NREP: variants seen among roughly 807,000 people sequenced by gnomAD.
NREP encodes neuronal regeneration-related protein.
A neutral mutation model predicts 8.6 loss-of-function variants in NREP; 5 were observed. The observed-to-expected ratio is 0.58, with a 90% CI of 0.30 to 1.22. NREP has a LOEUF of 1.22. NREP is among the 50% of genes most tolerant of loss of function. The pLI, the probability that NREP is intolerant of heterozygous loss-of-function variation, is 0.07. For synonymous variants in NREP, 27 were observed against 28.0 expected, an observed-to-expected ratio of 0.96 and a Z score of 0.11; for missense variants, 86 against 82.5, an observed-to-expected ratio of 1.04 and a Z score of -0.17.
Position 111,735,513 on chromosome 5 carries a change from G to C in NREP, c.4-6C>G, listed in dbSNP as rs773894240. 1.1e-5 allele frequency: 17 copies of C among 1,605,640 alleles called. No homozygotes were observed. The highest frequency in any genetic ancestry group is 1.4e-5 in the Non-Finnish European group (17 of 1,173,240). On this transcript the variant is annotated splice_region_variant and splice_polypyrimidine_tract_variant and intron_variant, in intron 2 of 3. Coordinates refer to ENST00000257435, the MANE Select transcript of NREP (RefSeq NM_004772.4). ...AAGAGTTCTGGGTAATAAACCTATAGAGACACAAAAGCATACACATTCAGA... is the reference window on the plus strand; with the variant it reads ...AAGAGTTCTGGGTAATAAACCTATACAGACACAAAAGCATACACATTCAGA...
chr5:111,775,148 C>T (rs547468544), intron 2 of NREP, among the ~76,000 whole-genome samples: 81 of 152,042 alleles, frequency 5.3e-4, no homozygotes, highest in African/African-American at 1.8e-3. Flanking sequence ...GCCTTAGCCC[C>T]GAAAGTAGCT....
chr5:111,811,236 C>A (rs1394321081), intron 2 of NREP, among the ~76,000 whole-genome samples: 1 of 152,134 alleles, frequency 6.6e-6, no homozygotes, highest in Non-Finnish European at 1.5e-5. Context: ...AAGACCCAGT[C>A]TCTGATGAAT....
At chr5:111,962,237 C>T (rs1057275436) in intron 2 of NREP, among the ~76,000 whole-genome samples, 3 of 152,046 alleles carry the variant, frequency 2.0e-5, no homozygotes, top group African/African-American at 7.3e-5. Flanking sequence ...TGAGAAAATG[C>T]CTTTATTCAT....
intron 2 of NREP, among the ~76,000 whole-genome samples, chr5:111,962,299 C>A (rs1454561360): frequency 2.6e-5 from 4 of 151,922 alleles, no homozygotes; most frequent in African/African-American, 9.7e-5. Context: ...AAAAAAAAAT[C>A]ACTGATGTAG....
intron 2 of NREP, among the ~76,000 whole-genome samples, chr5:111,809,870 CGTGTGTGTGTGTGTGTGTGTGT>C (rs3223253): frequency 2.8e-5 from 4 of 144,114 alleles, no homozygotes; most frequent in Non-Finnish European, 6.1e-5. Context: ...GGGACTTTGG[CGTGTGTGTGTGTGTGTGTGTGT>C]GTGTGTGTGT....
intron 2 of NREP, among the ~76,000 whole-genome samples, chr5:111,909,367 G>A (rs1754854361): frequency 6.6e-6 from 1 of 152,046 alleles, no homozygotes; most frequent in African/African-American, 2.4e-5. Context: ...AAAACACAAT[G>A]AGTTAGGTTG....
At chr5:111,903,827 A>C (rs1409301797) in intron 2 of NREP, among the ~76,000 whole-genome samples, 2 of 152,152 alleles carry the variant, frequency 1.3e-5, no homozygotes, top group African/African-American at 4.8e-5. Context: ...TCACCAAGCA[A>C]AGTTTATTCT....
At chr5:111,973,664 C>A (rs917328296) in intron 2 of NREP, among the ~76,000 whole-genome samples, 12 of 152,172 alleles carry the variant, frequency 7.9e-5, no homozygotes, top group African/African-American at 2.9e-4. Flanking sequence ...AATCATCATT[C>A]CAGCTCAAGC....
chr5:111,772,885 T>G (rs1308654391), intron 2 of NREP, among the ~76,000 whole-genome samples: 1 of 152,198 alleles, frequency 6.6e-6, no homozygotes, highest in Non-Finnish European at 1.5e-5. Context: ...GATTAGGTAA[T>G]GTTATCTTGT....
chr5:111,901,922 A>G (rs1181932812), intron 2 of NREP, among the ~76,000 whole-genome samples: 1 of 152,122 alleles, frequency 6.6e-6, no homozygotes, highest in African/African-American at 2.4e-5. Context: ...AATACCAAAG[A>G]CATTCCTTAT....
At chr5:111,856,354 C>G (rs1261956623) in intron 2 of NREP, among the ~76,000 whole-genome samples, 1 of 152,164 alleles carries the variant, frequency 6.6e-6, no homozygotes, top group Non-Finnish European at 1.5e-5. Flanking sequence ...GCCTAATGCC[C>G]TTTCCACACA....
intron 2 of NREP, among the ~76,000 whole-genome samples, chr5:111,967,247 T>TCA (rs1554057387): frequency 6.6e-6 from 1 of 152,220 alleles, no homozygotes; most frequent in Non-Finnish European, 1.5e-5. Context: ...CCATTAACAT[T>TCA]CACACAGTAA....
chr5:111,899,981 C>G lies in NREP; in HGVS notation c.135+75293G>C, dbSNP rs570314005. On this transcript the variant is annotated intron_variant, in intron 2 of 3. Transcript: ENST00000395634. ...ATTTACAAAATATTTTATCTAACAG[C>G]TGCAGACTACACATTCTTCTCATCA... Among the ~76,000 whole-genome samples, 5 of 152,250 alleles carry G rather than the reference C, an allele frequency of 3.3e-5. No individual in the cohort carries two copies. The Middle Eastern group carries it at 0.014, about 414-fold the overall frequency.
At chr5:111,791,551 T>G (rs1751746918) in intron 2 of NREP, among the ~76,000 whole-genome samples, 1 of 152,194 alleles carries the variant, frequency 6.6e-6, no homozygotes, top group African/African-American at 2.4e-5. Context: ...ACATGTCAGC[T>G]CACTGTGGCC....
intron 2 of NREP, among the ~76,000 whole-genome samples, chr5:111,889,453 C>T (rs1028488860): frequency 2.0e-5 from 3 of 152,210 alleles, no homozygotes; most frequent in African/African-American, 7.2e-5. Flanking sequence ...ATCAACACAA[C>T]ATTTGGAAGG....
intron 2 of NREP, among the ~76,000 whole-genome samples, chr5:111,844,234 C>CT (rs1753102692): frequency 6.6e-6 from 1 of 152,054 alleles, no homozygotes; most frequent in African/African-American, 2.4e-5. Context: ...CACTGTTTTA[C>CT]TTTTTTAAAT....
chr5:111,928,484 G>A (rs1395769161), intron 2 of NREP, among the ~76,000 whole-genome samples: 1 of 152,106 alleles, frequency 6.6e-6, no homozygotes, highest in Non-Finnish European at 1.5e-5. Context: ...CTACGTCCCT[G>A]TGCTAACCAT....
downstream of NREP, chr5:111,729,237 G>GAATT (rs1748342296): frequency 2.6e-5 from 4 of 152,330 alleles, no homozygotes; most frequent in African/African-American, 9.6e-5. Flanking sequence ...GGAAACACAT[G>GAATT]AATTAGCAAG....
intron 2 of NREP, among the ~76,000 whole-genome samples, chr5:111,762,787 C>T (rs1176668493): frequency 2.0e-5 from 3 of 152,166 alleles, no homozygotes; most frequent in Non-Finnish European, 1.5e-5. Context: ...ACTTTGTTAT[C>T]GCAACCGTGG....
Sources: allele counts gnomAD v4.1 joint callset (sites outside exome capture counted in the v4.1 genomes callset), GRCh38; gene constraint gnomAD v4.1.1; transcripts MANE v1.5; gene names NCBI Gene and HGNC (gene_info 2026-07-23, HGNC 2026-07-21).